FBN3: variants seen among roughly 807,000 people sequenced by gnomAD.
FBN3 encodes the protein fibrillin-3.
FBN3 carries 234 observed loss-of-function variants against 330.1 expected under a neutral mutation model. That is an observed-to-expected ratio of 0.71 (90% CI 0.64 to 0.79). The LOEUF is 0.79. Ranked by LOEUF, FBN3 falls within the 30% of genes least tolerant of loss-of-function variation. FBN3 has a pLI of 0.00. For missense variants in FBN3, 3,606 were observed against 3,886.9 expected, an observed-to-expected ratio of 0.93 and a Z score of 1.92; for synonymous variants, 1,458 against 1,517.3, an observed-to-expected ratio of 0.96 and a Z score of 0.91.
intron 2 of FBN3, 53 bp from the exon 3 acceptor site, chr19:8,147,239 C>G: frequency 6.4e-7 from 1 of 1,557,774 alleles, no homozygotes; most frequent in East Asian, 2.4e-5. Flanking sequence ...TGGACATCCC[C>G]CCGGGTATTC....
rs1416496171 is a variant in FBN3, at chr19:8,147,343, C to T, written c.138G>A (p.Arg46=). Residue 46 remains arginine (R), a synonymous_variant, in exon 2 of 64, where the codon CGG becomes CGA. Coordinates refer to ENST00000600128, the MANE Select transcript of FBN3 (RefSeq NM_032447.5). The part of the protein sequence containing the change: ...ALEAAGPGRV[R]RRGSPGILQG... ...GCAAGATGCCTGGGCTGCCCCGCCT[C>T]CGCACACGTCCAGGACCTGCAGCCT... 4 of 1,600,862 alleles carry T rather than the reference C, an allele frequency of 2.5e-6. No individual in the cohort carries two copies. The highest frequency in any genetic ancestry group is 1.1e-5 in the South Asian group (1 of 88,994).
chr19:8,095,560 T>C, intron 45 of FBN3, 57 bp from the exon 46 acceptor site: 3 of 1,575,316 alleles, frequency 1.9e-6, no homozygotes, highest in Non-Finnish European at 2.6e-6. Context: ...GGATCAAACC[T>C]TCCTTGTACT....
At chr19:8,123,670 C>T in intron 23 of FBN3, 81 bp from the exon 24 acceptor site, 1 of 1,596,968 alleles carries the variant, frequency 6.3e-7, no homozygotes, top group Non-Finnish European at 8.6e-7. Context: ...GTTCTTAGTG[C>T]CTCGCCTTAC....
Position 8,123,947 on chromosome 19 carries a change from A to C in FBN3, c.2793T>G (p.Pro931=). ...AGCAGACGTCCATCCGGTACTTGCC[A>C]GGCAGGGTGACCCCACACTCATCCT... ...WDEDECGVTL[P]GKYRMDVCCC... Residue 931 remains proline (P), a synonymous_variant, in exon 23 of 64, where the codon CCT becomes CCG. Transcript: ENST00000600128. 1.9e-6 allele frequency: 3 copies of C among 1,614,104 alleles called. No individual in the cohort carries two copies. The highest frequency in any genetic ancestry group is 2.5e-6 in the Non-Finnish European group (3 of 1,180,020).
chr19:8,072,099 A>G lies in FBN3; in HGVS notation c.8037T>C (p.Asn2679=), dbSNP rs144808655. ...SSEACYECKI[N]GLSPRDRPRR... ...GTGGCCGGTCCCGAGGGGAGAGGCC[A>G]TTGATCTTGCATTCGTAGCAGGCTT... Residue 2679 remains asparagine, a synonymous_variant, in exon 63 of 64, where the codon AAT becomes AAC. Transcript: ENST00000600128. 483 of 1,612,628 alleles carry G rather than the reference A, an allele frequency of 3.0e-4. 1 individual carries two copies. The African/African-American group carries it at 3.5e-3, about 12-fold the overall frequency.
At chr19:8,082,479 T>A (rs1599286568) in intron 57 of FBN3, among the ~76,000 whole-genome samples, 1 of 39,834 alleles carries the variant, frequency 2.5e-5, no homozygotes, top group Admixed American at 2.8e-4. Flanking sequence ...CCTTCCTTCC[T>A]TCCTTCCTTC....
chr19:8,089,319 G>A (rs1162739799), intron 51 of FBN3, among the ~76,000 whole-genome samples: 1 of 152,180 alleles, frequency 6.6e-6, no homozygotes, highest in East Asian at 1.9e-4. Flanking sequence ...ATAAGTGAAT[G>A]AGTAAATGAA....
rs980409946 is a variant in FBN3 at position 8,089,660 on chromosome 19, C to G, written c.6261G>C (p.Glu2087Asp). ...TGCAGACGCCAGGGTTCTCTGCACA[C>G]TCATTCACGTCTGCGGATGGCAGGC... ...GPDDSREDVN[E>D]CAENPGVCTN... Residue 2087 changes from glutamate to aspartate, a missense_variant, in exon 51 of 64, where the codon GAG (glutamate) becomes GAC (aspartate). Coordinates refer to ENST00000600128, the MANE Select transcript of FBN3 (RefSeq NM_032447.5). The G allele has an allele frequency of 5.0e-6, 8 of 1,614,032 alleles. No individual in the cohort carries two copies. The African/African-American group carries it at 9.3e-5, about 19-fold the overall frequency.
intron 4 of FBN3, 66 bp from the exon 5 acceptor site, chr19:8,146,004 G>A: frequency 3.3e-6 from 5 of 1,497,464 alleles, no homozygotes; most frequent in African/African-American, 1.4e-5. Context: ...TCCTAGGAAG[G>A]CTGCAGGACT....
intron 26 of FBN3, among the ~76,000 whole-genome samples, chr19:8,118,167 A>T (rs2082753478): frequency 6.6e-6 from 1 of 152,004 alleles, no homozygotes. Context: ...CCAGAGGTAC[A>T]CCCACACAGA....
At chr19:8,143,497 C>CTTTTTTTTTTTTTTT (rs557671451) in intron 6 of FBN3, among the ~76,000 whole-genome samples, 3 of 126,098 alleles carry the variant, frequency 2.4e-5, no homozygotes, top group African/African-American at 9.4e-5. Context: ...CTTTTCTTTT[C>CTTTTTTTTTTTTTTT]TTTTTTTTTT....
chr19:8,103,017 A>G, intron 39 of FBN3, 144 bp from the exon 40 acceptor site: 1 of 864,342 alleles, frequency 1.2e-6, no homozygotes, highest in Non-Finnish European at 1.8e-6. Flanking sequence ...CTGTAATCCC[A>G]GCACTTTGGG....
chr19:8,142,807 C>T (rs954155659), intron 6 of FBN3, among the ~76,000 whole-genome samples: 8 of 151,276 alleles, frequency 5.3e-5, no homozygotes, highest in African/African-American at 1.9e-4. Context: ...ACCCCCACCC[C>T]CCAGCTGTCC....
chr19:8,089,807 G>A, intron 50 of FBN3, 87 bp downstream of exon 50: 1 of 1,521,358 alleles, frequency 6.6e-7, no homozygotes, highest in African/African-American at 1.4e-5. Context: ...GCTCTCAGGG[G>A]GAGCCTGAAA....
At chr19:8,081,215 G>A (rs1200218910) in intron 58 of FBN3, 96 bp from the exon 59 acceptor site, 3 of 1,488,590 alleles carry the variant, frequency 2.0e-6, no homozygotes, top group African/African-American at 1.4e-5. Flanking sequence ...GCAGAGGGGT[G>A]ACAAGAGAAA....
rs1568429023 is a variant in FBN3 at position 8,123,924 on chromosome 19, C to G, written c.2816G>C (p.Cys939Ser). 2 of 1,614,104 alleles carry G rather than the reference C, an allele frequency of 1.2e-6. No homozygotes were observed. Among genetic ancestry groups the G allele is most frequent in the Non-Finnish European group, 1.7e-6 (2 of 1,180,030 alleles). The change falls in exon 23 of 64, where the codon TGC becomes TCC. Residue 939 changes from cysteine (C) to serine (S), a missense_variant. Coordinates refer to ENST00000600128, the MANE Select transcript of FBN3 (RefSeq NM_032447.5). ...TLPGKYRMDV[C>S]CCSIGAVWGV... is the part of the protein sequence containing the mutation. ...CCACACGGCCCCGATGGAGCAGCAGCAGACGTCCATCCGGTACTTGCCAGG... is the reference window on the plus strand; with the variant it reads ...CCACACGGCCCCGATGGAGCAGCAGGAGACGTCCATCCGGTACTTGCCAGG...
rs2081377620 is a variant in FBN3 at position 8,065,887 on chromosome 19, G to A, written c.*32C>T. 2 of 1,491,554 alleles carry A rather than the reference G, an allele frequency of 1.3e-6. No homozygotes were observed. The highest frequency in any genetic ancestry group is 1.8e-6 in the Non-Finnish European group (2 of 1,103,722). 92.4% of individuals were successfully genotyped at this position (1,491,554 alleles called of 1,614,324 possible). A position where few individuals can be genotyped will look rare whatever the true frequency, so the allele number is the denominator to read the frequency against. On this transcript the variant is annotated 3_prime_UTR_variant, in exon 64 of 64. Coordinates refer to ENST00000600128, the MANE Select transcript of FBN3 (RefSeq NM_032447.5). ...CCCAGTTCCAGAATCCCCCTTCTCT[G>A]GACAGCTGGGGCCCACTGAGGCTCC...
chr19:8,117,248 G>C lies in FBN3; in HGVS notation c.3507C>G (p.His1169Gln). ...CRVQNGGCDV[H>Q]CINTEGSYRC... ...GGTAGCTGCCCTCAGTGTTAATACAGTGCACGTCACACCCACCATTCTGGA... is the reference window on the plus strand; with the variant it reads ...GGTAGCTGCCCTCAGTGTTAATACACTGCACGTCACACCCACCATTCTGGA... The change falls in exon 28 of 64, where the codon CAC becomes CAG. Residue 1169 changes from histidine to glutamine, a missense_variant. Coordinates refer to ENST00000600128, the MANE Select transcript of FBN3 (RefSeq NM_032447.5). The C allele has an allele frequency of 1.9e-6, 3 of 1,613,964 alleles. No homozygotes were observed. The highest frequency in any genetic ancestry group is 2.5e-6 in the Non-Finnish European group (3 of 1,179,966).
At chr19:8,100,864 T>C (rs2082312720) in intron 41 of FBN3, 37 bp downstream of exon 41, 1 of 1,574,926 alleles carries the variant, frequency 6.3e-7, no homozygotes, top group African/African-American at 1.4e-5. Context: ...CCCAGGTGGA[T>C]GGGTGCCCAG....
Sources: allele counts gnomAD v4.1 joint callset (sites outside exome capture counted in the v4.1 genomes callset), GRCh38; gene constraint gnomAD v4.1.1; transcripts MANE v1.5; gene names NCBI Gene and HGNC (gene_info 2026-07-23, HGNC 2026-07-21).